Variants in MAST4 observed in about 807,000 individuals in gnomAD.
MAST4 encodes microtubule-associated serine/threonine-protein kinase 4.
In MAST4, 89 loss-of-function variants were observed where a neutral mutation model predicts 162.7. That is an observed-to-expected ratio of 0.55 (90% CI 0.46 to 0.65). The LOEUF is 0.65. MAST4 is among the 30% of genes least tolerant of loss of function. The probability of loss-of-function intolerance (pLI) is 0.00; values close to 1 mark genes in which losing one functional copy is unlikely to be tolerated. For missense variants in MAST4, 3,153 were observed against 3,374.0 expected, an observed-to-expected ratio of 0.93 and a Z score of 1.62; for synonymous variants, 1,479 against 1,361.1, an observed-to-expected ratio of 1.09 and a Z score of -1.91.
rs1184932403 is a variant in MAST4, at chr5:67,078,913, T to TAAATATATATATATA, written c.764-11248_764-11247insAATATATATATATAA. 5.3e-3 allele frequency among the ~76,000 whole-genome samples: 336 copies of TAAATATATATATATA among 62,816 alleles called. 11 individuals carry two copies. Among genetic ancestry groups the TAAATATATATATATA allele is most frequent in the African/African-American group, 0.014 (193 of 14,046 alleles). The allele number at this position is 62,816 out of a possible 152,430, so 41.2% of individuals were successfully genotyped here. Reference sequence around the variant, plus strand: ...ATATATTTATATATTTTTATATAAATATATATATATATATATATATATATA... The same window carrying TAAATATATATATATA: ...ATATATTTATATATTTTTATATAAATAAATATATATATATAATATATATATATATATATATATATA... On this transcript the variant is annotated intron_variant, in intron 5 of 28. Transcript: ENST00000403625.
Position 66,788,665 on chromosome 5 carries a change from A to G in MAST4, c.518-5A>G. The G allele has an allele frequency of 6.3e-7, 1 of 1,594,370 alleles. No individual in the cohort carries two copies. On this transcript the variant is annotated splice_polypyrimidine_tract_variant and splice_region_variant and intron_variant, in intron 2 of 28. Transcript: ENST00000403625. ...CTTACATTTTCTTCTCTTTAACTCC[A>G]ACAGGGAGGTACCTTCTTCCAAACC...
intron 4 of MAST4, among the ~76,000 whole-genome samples, chr5:66,960,981 G>T (rs141752505): frequency 6.6e-6 from 1 of 152,148 alleles, no homozygotes. Flanking sequence ...TCTTATCTTG[G>T]TAAATATTAC....
At chr5:66,880,913 G>T (rs1761651263) in intron 3 of MAST4, among the ~76,000 whole-genome samples, 1 of 152,196 alleles carries the variant, frequency 6.6e-6, no homozygotes, top group African/African-American at 2.4e-5. Context: ...TACTTAGACT[G>T]GAAGGTGAGT....
intron 4 of MAST4, among the ~76,000 whole-genome samples, chr5:66,988,817 G>A (rs965326953): frequency 6.6e-6 from 1 of 152,070 alleles, no homozygotes; most frequent in African/African-American, 2.4e-5. Context: ...ACTACAACAG[G>A]AAAACTGTAG....
At chr5:66,686,954 A>G (rs1384005271) in intron 1 of MAST4, among the ~76,000 whole-genome samples, 1 of 152,172 alleles carries the variant, frequency 6.6e-6, no homozygotes, top group Non-Finnish European at 1.5e-5. Context: ...GGGGTTTTCA[A>G]CTTTTGTCAT....
At chr5:66,598,092 A>G (rs1439769528) in intron 1 of MAST4, among the ~76,000 whole-genome samples, 3 of 152,124 alleles carry the variant, frequency 2.0e-5, no homozygotes, top group Non-Finnish European at 4.4e-5. Flanking sequence ...AGAGTAAGCA[A>G]TCAGAGGCCC....
intron 4 of MAST4, among the ~76,000 whole-genome samples, chr5:66,951,802 A>C (rs1744745218): frequency 6.6e-6 from 1 of 152,068 alleles, no homozygotes. Context: ...TAGAACTATA[A>C]AACTCTTGTT....
intron 3 of MAST4, among the ~76,000 whole-genome samples, chr5:66,885,349 C>A (rs900846555): frequency 2.6e-5 from 4 of 152,154 alleles, no homozygotes; most frequent in African/African-American, 9.7e-5. Context: ...GTTAAAGCAA[C>A]ACTTATTCAT....
intron 14 of MAST4, among the ~76,000 whole-genome samples, chr5:67,122,467 A>G (rs1767702242): frequency 6.6e-6 from 1 of 151,992 alleles, no homozygotes; most frequent in Admixed American, 6.6e-5. Flanking sequence ...GCAATATTTT[A>G]TTTTTCAAGG....
intron 24 of MAST4, 135 bp from the exon 25 acceptor site, chr5:67,152,502 A>G: frequency 1.5e-6 from 1 of 684,570 alleles, no homozygotes; most frequent in Non-Finnish European, 2.6e-6. Flanking sequence ...TTTCATCTTC[A>G]TTTTGCTATT....
At chr5:67,042,902 C>T (rs923697827) in intron 4 of MAST4, among the ~76,000 whole-genome samples, 6 of 152,170 alleles carry the variant, frequency 3.9e-5, no homozygotes, top group African/African-American at 7.2e-5. Flanking sequence ...GTTTGTGTTC[C>T]GATTGTGGAG....
At chr5:66,842,652 G>T (rs1758511423) in intron 3 of MAST4, among the ~76,000 whole-genome samples, 1 of 152,132 alleles carries the variant, frequency 6.6e-6, no homozygotes, top group Non-Finnish European at 1.5e-5. Context: ...TGAGATCCTG[G>T]ATATTAACTT....
rs1288698487 is a variant in MAST4 at position 67,130,150 on chromosome 5, C to A, written c.1746-60C>A. On this transcript the variant is annotated intron_variant, in intron 14 of 28. Transcript: ENST00000403625. ...TGATGATTTATATGGTTTACTGTAT[C>A]CCCAAAACATCCTTACTTTCTCTCC... 6 of 1,466,490 alleles carry A rather than the reference C, an allele frequency of 4.1e-6. No individual in the cohort carries two copies. In the South Asian group the frequency reaches 6.1e-5, roughly 15 times the overall value. 90.8% of individuals were successfully genotyped at this position (1,466,490 alleles called of 1,614,324 possible). A position where few individuals can be genotyped will look rare whatever the true frequency, so the allele number is the denominator to read the frequency against.
intron 4 of MAST4, among the ~76,000 whole-genome samples, chr5:66,924,752 C>T (rs1420307337): frequency 6.6e-6 from 1 of 152,092 alleles, no homozygotes; most frequent in East Asian, 1.9e-4. Context: ...TTTAGAAAAA[C>T]TAGAAAATAC....
chr5:67,133,465 A>G, intron 16 of MAST4, 49 bp from the exon 17 acceptor site: 1 of 1,594,764 alleles, frequency 6.3e-7, no homozygotes, highest in Non-Finnish European at 8.6e-7. Flanking sequence ...GAAAATAGAT[A>G]ACCAGCTTAT....
At chr5:67,027,374 T>A (rs1462134472) in intron 4 of MAST4, among the ~76,000 whole-genome samples, 1 of 152,176 alleles carries the variant, frequency 6.6e-6, no homozygotes, top group Admixed American at 6.6e-5. Context: ...GTACCATATC[T>A]CTGTATGCAC....
At chr5:67,078,919 TATATATATATA>T (rs1762201254) in intron 5 of MAST4, among the ~76,000 whole-genome samples, 1 of 65,868 alleles carries the variant, frequency 1.5e-5, no homozygotes, top group African/African-American at 8.1e-5. Context: ...TAAATATATA[TATATATATATA>T]TATATATATA....
intron 4 of MAST4, chr5:66,917,040 A>T (rs1041747039): frequency 5.6e-6 from 4 of 717,856 alleles, no homozygotes; most frequent in Non-Finnish European, 1.0e-5. Flanking sequence ...TCTAATTTTA[A>T]TAGCTATCAC....
chr5:66,643,335 G>A (rs1364464732), intron 1 of MAST4, among the ~76,000 whole-genome samples: 1 of 152,146 alleles, frequency 6.6e-6, no homozygotes, highest in Non-Finnish European at 1.5e-5. Flanking sequence ...AATATCTGTT[G>A]AAGCTATTGC....
Sources: allele counts gnomAD v4.1 joint callset (sites outside exome capture counted in the v4.1 genomes callset), GRCh38; gene constraint gnomAD v4.1.1; transcripts MANE v1.5; gene names NCBI Gene and HGNC (gene_info 2026-07-23, HGNC 2026-07-21).